Variants in BICC1 observed in about 807,000 individuals in gnomAD.
The protein encoded by BICC1 is protein bicaudal C homolog 1.
BICC1 carries 43 observed loss-of-function variants against 111.0 expected under a neutral mutation model. The observed-to-expected ratio is 0.39, with a 90% CI of 0.30 to 0.50. BICC1 has a LOEUF of 0.50. Ranked by LOEUF, BICC1 falls within the 20% of genes least tolerant of loss-of-function variation. The pLI, the probability that BICC1 is intolerant of heterozygous loss-of-function variation, is 0.88. For synonymous variants in BICC1, 467 were observed against 434.4 expected, an observed-to-expected ratio of 1.07 and a Z score of -0.93; for missense variants, 1,091 against 1,203.2, an observed-to-expected ratio of 0.91 and a Z score of 1.38.
intron 1 of BICC1, among the ~76,000 whole-genome samples, chr10:58,592,854 C>A (rs1428863696): frequency 2.2e-5 from 3 of 136,068 alleles, no homozygotes; most frequent in Non-Finnish European, 4.6e-5. Flanking sequence ...TCAAGCCTGG[C>A]CACAGAGCAA....
chr10:58,573,675 G>A (rs1434678635), intron 1 of BICC1, among the ~76,000 whole-genome samples: 4 of 152,108 alleles, frequency 2.6e-5, no homozygotes, highest in Admixed American at 2.6e-4. Flanking sequence ...GGGCCCAGTT[G>A]TATGACTGTT....
At chr10:58,814,243 T>C in intron 18 of BICC1, 5 of 611,426 alleles carry the variant, frequency 8.2e-6, no homozygotes, top group Non-Finnish European at 1.2e-5. Flanking sequence ...CCTATCTGTA[T>C]CTCCTTGTGA....
At chr10:58,695,642 G>A (rs778363551) in intron 2 of BICC1, among the ~76,000 whole-genome samples, 3 of 152,142 alleles carry the variant, frequency 2.0e-5, no homozygotes, top group African/African-American at 4.8e-5. Context: ...TTAACTTAAC[G>A]TCGGGAGCGA....
intron 3 of BICC1, among the ~76,000 whole-genome samples, chr10:58,773,598 G>A (rs1412252201): frequency 6.6e-6 from 1 of 152,196 alleles, no homozygotes; most frequent in Admixed American, 6.5e-5. Flanking sequence ...ACTACTCAGT[G>A]GAATTGCAGT....
intron 9 of BICC1, among the ~76,000 whole-genome samples, chr10:58,795,396 T>C (rs1843321228): frequency 6.6e-6 from 1 of 152,158 alleles, no homozygotes; most frequent in Non-Finnish European, 1.5e-5. Flanking sequence ...GCTTCATGTG[T>C]GACTAATTTG....
At chr10:58,816,128 A>G (rs1224707521) in intron 18 of BICC1, among the ~76,000 whole-genome samples, 1 of 152,180 alleles carries the variant, frequency 6.6e-6, no homozygotes, top group East Asian at 1.9e-4. Context: ...AAAAAAAAGT[A>G]AATCTATCAT....
chr10:58,616,869 T>C (rs1845624957), intron 1 of BICC1, among the ~76,000 whole-genome samples: 1 of 152,222 alleles, frequency 6.6e-6, no homozygotes, highest in Admixed American at 6.5e-5. Context: ...GTTAATGATA[T>C]TATGCTAACT....
At chr10:58,630,006 G>A (rs1837745025) in intron 2 of BICC1, among the ~76,000 whole-genome samples, 1 of 152,098 alleles carries the variant, frequency 6.6e-6, no homozygotes, top group African/African-American at 2.4e-5. Flanking sequence ...GCCTTATTTT[G>A]CACCACTCGA....
chr10:58,742,645 C>T (rs1841707117), intron 3 of BICC1, among the ~76,000 whole-genome samples: 1 of 151,838 alleles, frequency 6.6e-6, no homozygotes. Flanking sequence ...ACCATATTGG[C>T]CAGTCTGGTC....
At chr10:58,785,924 T>C (rs1842999005) in intron 4 of BICC1, among the ~76,000 whole-genome samples, 1 of 152,180 alleles carries the variant, frequency 6.6e-6, no homozygotes, top group Non-Finnish European at 1.5e-5. Flanking sequence ...TTCTGTTCTT[T>C]GTTGGTTTTC....
chr10:58,617,224 G>A (rs186951885), intron 1 of BICC1, among the ~76,000 whole-genome samples: 4 of 152,358 alleles, frequency 2.6e-5, no homozygotes, highest in South Asian at 4.1e-4. Context: ...TACAGTCGTC[G>A]TGCGGATGAC....
intron 1 of BICC1, among the ~76,000 whole-genome samples, chr10:58,601,124 G>C (rs1438430627): frequency 1.4e-5 from 1 of 69,012 alleles, no homozygotes; most frequent in Non-Finnish European, 3.0e-5. Context: ...TACTTTTTAG[G>C]CAGTCATTTT....
chr10:58,512,449 C>T (rs1842110164), upstream of BICC1, among the ~76,000 whole-genome samples: 2 of 152,222 alleles, frequency 1.3e-5, no homozygotes, highest in South Asian at 2.1e-4. Flanking sequence ...TGTGTATGCG[C>T]TTAGTGTGCG....
intron 5 of BICC1, among the ~76,000 whole-genome samples, chr10:58,787,752 C>G (rs1220801304): frequency 6.6e-6 from 1 of 152,120 alleles, no homozygotes; most frequent in Non-Finnish European, 1.5e-5. Context: ...AGGGACTAGA[C>G]AGAAAGCTAT....
chr10:58,549,656 TGA>T, intron 1 of BICC1, among the ~76,000 whole-genome samples: 1 of 151,820 alleles, frequency 6.6e-6, no homozygotes, highest in South Asian at 2.1e-4. Flanking sequence ...TTGTTATTGT[TGA>T]GTTTCAAGAA....
chr10:58,599,946 G>GTT (rs1434825092), intron 1 of BICC1, among the ~76,000 whole-genome samples: 4 of 151,864 alleles, frequency 2.6e-5, no homozygotes, highest in Non-Finnish European at 4.4e-5. Context: ...GTGTGTGTGT[G>GTT]TGTGTGTGTC....
At chr10:58,676,672 TC>T (rs1033919989) in intron 2 of BICC1, among the ~76,000 whole-genome samples, 3 of 152,076 alleles carry the variant, frequency 2.0e-5, no homozygotes, top group African/African-American at 7.3e-5. Flanking sequence ...GCAGCGGATC[TC>T]CCAGCACAGC....
chr10:58,559,516 G>T lies in BICC1; in HGVS notation c.190+46183G>T, dbSNP rs555424854. On this transcript the variant is annotated intron_variant, in intron 1 of 20. Transcript: ENST00000373886. ...ATTGGTGGAGACTTTAGGTTTTTCT[G>T]TATATAAGATTATATTGTCTGCAAA... Among the ~76,000 whole-genome samples, 22 of 152,168 alleles carry T rather than the reference G, an allele frequency of 1.4e-4. No homozygotes were observed. The East Asian group carries it at 4.1e-3, about 28-fold the overall frequency.
intron 1 of BICC1, among the ~76,000 whole-genome samples, chr10:58,523,054 A>C (rs1842435018): frequency 6.6e-6 from 1 of 152,230 alleles, no homozygotes; most frequent in Non-Finnish European, 1.5e-5. Context: ...AAATTGAGGC[A>C]ATAATTAATA....
Sources: gnomAD v4.1 joint callset for allele counts (sites outside exome capture counted in the v4.1 genomes callset) on GRCh38, gnomAD v4.1.1 for gene constraint, MANE v1.5 for transcripts, NCBI Gene and HGNC (gene_info 2026-07-23, HGNC 2026-07-21) for gene names.